DOP1B: variants seen among roughly 807,000 people sequenced by gnomAD.
DOP1B encodes DOP1 leucine zipper like protein B.
DOP1B carries 174 observed loss-of-function variants against 233.5 expected under a neutral mutation model. The ratio of observed to expected loss-of-function variants is 0.75; its 90% CI spans 0.66 to 0.85. The LOEUF is 0.85. Among genes scored for constraint, DOP1B ranks in the 40% least tolerant of loss-of-function variants. The probability of loss-of-function intolerance (pLI) is 0.00; values close to 1 mark genes in which losing one functional copy is unlikely to be tolerated. For missense variants in DOP1B, 2,652 were observed against 2,846.6 expected (o/e 0.93, Z 1.56); for synonymous variants, 1,190 against 1,185.6 (o/e 1.00, Z -0.08).
At chr21:36,259,200 C>T (rs1013874925) in intron 23 of DOP1B, among the ~76,000 whole-genome samples, 2 of 151,760 alleles carry the variant, frequency 1.3e-5, no homozygotes, top group East Asian at 1.9e-4. Context: ...CTCCTGACCA[C>T]GTGATCCACC....
At chr21:36,178,690 A>C (rs1445736786) in intron 2 of DOP1B, among the ~76,000 whole-genome samples, 1 of 152,224 alleles carries the variant, frequency 6.6e-6, no homozygotes, top group Non-Finnish European at 1.5e-5. Flanking sequence ...ATTTTTCAGA[A>C]AAAAAGCAAC....
At chr21:36,172,873 C>G (rs537483989) in intron 2 of DOP1B, among the ~76,000 whole-genome samples, 1 of 152,188 alleles carries the variant, frequency 6.6e-6, no homozygotes, top group South Asian at 2.1e-4. Context: ...AATCCCAGCA[C>G]TTTGGGAGGC....
intron 13 of DOP1B, among the ~76,000 whole-genome samples, chr21:36,229,960 G>A (rs145075644): frequency 6.6e-6 from 1 of 151,992 alleles, no homozygotes; most frequent in Non-Finnish European, 1.5e-5. Context: ...ACCACACCTG[G>A]CCTTATTTTA....
intron 32 of DOP1B, among the ~76,000 whole-genome samples, chr21:36,283,936 C>CT (rs547999186): frequency 0.065 from 6,523 of 100,826 alleles, 160 homozygotes; most frequent in East Asian, 0.24. Flanking sequence ...ACACCTGTTC[C>CT]TTTTTTTTTT....
At chr21:36,231,525 A>C (rs973989552) in intron 14 of DOP1B, among the ~76,000 whole-genome samples, 10 of 152,182 alleles carry the variant, frequency 6.6e-5, no homozygotes, top group Admixed American at 1.3e-4. Context: ...GTCTCACCAC[A>C]TGGCAAAGTG....
intron 10 of DOP1B, among the ~76,000 whole-genome samples, chr21:36,221,497 A>T (rs559565874): frequency 1.6e-3 from 239 of 152,224 alleles, no homozygotes; most frequent in African/African-American, 5.6e-3. Context: ...TTCATCTCAA[A>T]AAATAAATAA....
intron 10 of DOP1B, among the ~76,000 whole-genome samples, chr21:36,220,557 G>A (rs2066612460): frequency 6.6e-6 from 1 of 152,126 alleles, no homozygotes; most frequent in African/African-American, 2.4e-5. Flanking sequence ...CTGGAGTGCA[G>A]TGGCGTGAAC....
chr21:36,225,045 C>T (rs1416860059), intron 11 of DOP1B, among the ~76,000 whole-genome samples: 2 of 151,998 alleles, frequency 1.3e-5, no homozygotes, highest in Non-Finnish European at 1.5e-5. Context: ...GAGTTCAAGT[C>T]AGAGGGAATC....
chr21:36,245,875 C>A lies in DOP1B; in HGVS notation c.3895C>A (p.Gln1299Lys). 6.2e-7 allele frequency: 1 copy of A among 1,613,834 alleles called. No individual in the cohort carries two copies. Among genetic ancestry groups the A allele is most frequent in the African/African-American group, 1.3e-5 (1 of 75,028 alleles). ...TGGCCAGAGTTTCTACGGAAAGCTC[C>A]AGACCCAGGTCCCCAACGTGTGCCC... ...LIGQSFYGKLQTQVPNVCPHS... is the reference protein window; with the variant it reads ...LIGQSFYGKLKTQVPNVCPHS... Residue 1299 changes from glutamine to lysine, a missense_variant, in exon 19 of 37, where the codon CAG (glutamine) becomes AAG (lysine). By Grantham distance (53) the Gln-to-Lys change is moderately conservative (BLOSUM62 1). Coordinates refer to ENST00000691173, the MANE Select transcript of DOP1B (RefSeq NM_001320714.2). The surrounding 1 kb of genome is among the most constrained non-coding windows in gnomAD (Gnocchi z 5.5).
intron 23 of DOP1B, among the ~76,000 whole-genome samples, chr21:36,254,426 G>A (rs1218492051): frequency 6.6e-6 from 1 of 152,106 alleles, no homozygotes; most frequent in Non-Finnish European, 1.5e-5. Flanking sequence ...GGAAGTTTAA[G>A]GAGAGTTGGA....
At chr21:36,251,337 C>A (rs2067031097) in intron 22 of DOP1B, 53 bp downstream of exon 22, 1 of 1,571,916 alleles carries the variant, frequency 6.4e-7, no homozygotes, top group Non-Finnish European at 8.6e-7. Context: ...CAAAGAAATA[C>A]CACAGAATCA....
Position 36,289,042 on chromosome 21 carries a change from T to G in DOP1B, c.6354-3T>G. The stretch of plus-strand genomic sequence containing the variant: ...TAACAAGCGTTTCTTTGCAAATTTA[T>G]AGAAGCACCAACAAAGTAAACAGAA... On this transcript the variant is annotated splice_polypyrimidine_tract_variant and splice_region_variant and intron_variant, in intron 34 of 36. Transcript: ENST00000691173. The G allele has an allele frequency of 6.2e-7, 1 of 1,610,596 alleles. No homozygotes were observed. Among genetic ancestry groups the G allele is most frequent in the Non-Finnish European group, 8.5e-7 (1 of 1,179,000 alleles).
intron 19 of DOP1B, 49 bp from the exon 20 acceptor site, chr21:36,247,468 C>A: frequency 7.3e-7 from 1 of 1,377,542 alleles, no homozygotes; most frequent in South Asian, 1.3e-5. Flanking sequence ...ACCCTTATGG[C>A]CTCATTCTTT....
rs372560441 is a variant in DOP1B at position 36,227,804 on chromosome 21, C to T, written c.1592C>T (p.Thr531Met). 1.6e-5 allele frequency: 26 copies of T among 1,613,610 alleles called. No individual in the cohort carries two copies. Among genetic ancestry groups the T allele is most frequent in the Middle Eastern group, 1.7e-4 (1 of 6,056 alleles). ...SLPELTHALK[T>M]CFKVLSKVQM... ...CCTGAACTCACGCATGCCTTGAAGACGTGTTTCAAGGTGCTCAGCAAAGTC... is the reference window on the plus strand; with the variant it reads ...CCTGAACTCACGCATGCCTTGAAGATGTGTTTCAAGGTGCTCAGCAAAGTC... The change falls in exon 13 of 37, where the codon ACG (threonine) becomes ATG (methionine). Residue 531 changes from threonine (T) to methionine (M), a missense_variant. Around this residue, in one of 3 missense-constraint regions of DOP1B, gnomAD observed 2,617 missense variants for 2,794.3 expected, o/e 0.94. Coordinates refer to ENST00000691173, the MANE Select transcript of DOP1B (RefSeq NM_001320714.2).
intron 7 of DOP1B, among the ~76,000 whole-genome samples, chr21:36,212,739 T>C (rs1049310981): frequency 6.6e-6 from 1 of 152,220 alleles, no homozygotes; most frequent in African/African-American, 2.4e-5. Flanking sequence ...TACAAAACGA[T>C]TGTGACAGGA....
At chr21:36,203,155 G>C (rs58791590) in intron 4 of DOP1B, among the ~76,000 whole-genome samples, 2 of 152,234 alleles carry the variant, frequency 1.3e-5, no homozygotes, top group African/African-American at 2.4e-5. Flanking sequence ...TGAATATTGT[G>C]ATTTCTTGAC....
chr21:36,277,057 C>T lies in DOP1B; in HGVS notation c.5669C>T (p.Ala1890Val), dbSNP rs778986110. The part of the protein sequence containing the change: ...AAASAMVSSS[A>V]PSVYSVQALS... The stretch of plus-strand genomic sequence containing the variant: ...GCTTCAGCAATGGTGTCTTCATCCG[C>T]CCCGTCGGTGTACAGCGTGCAAGCC... The change falls in exon 28 of 37, where the codon GCC (alanine) becomes GTC (valine). Residue 1890 changes from alanine to valine, a missense_variant. By Grantham distance (64) the Ala-to-Val change is moderately conservative. This residue lies in a region of DOP1B where 2,617 missense variants were observed against 2,794.3 expected (regional missense o/e 0.94). Transcript: ENST00000691173. 6.2e-7 allele frequency: 1 copy of T among 1,614,114 alleles called. No individual in the cohort carries two copies. Among genetic ancestry groups the T allele is most frequent in the South Asian group, 1.1e-5 (1 of 91,084 alleles).
At chr21:36,243,511 A>T (rs7279990) in intron 18 of DOP1B, among the ~76,000 whole-genome samples, 2 of 152,140 alleles carry the variant, frequency 1.3e-5, no homozygotes, top group African/African-American at 4.8e-5. Flanking sequence ...TAATGAGGAC[A>T]TAAAAACCTA....
chr21:36,200,549 G>T, intron 4 of DOP1B, 48 bp downstream of exon 4: 1 of 1,536,096 alleles, frequency 6.5e-7, no homozygotes. Context: ...TGCTTTATAA[G>T]ACGCGGGGAG....
Sources: allele counts gnomAD v4.1 joint callset (sites outside exome capture counted in the v4.1 genomes callset), GRCh38; gene constraint gnomAD v4.1.1; regional missense constraint gnomAD v4.1.1; non-coding constraint Gnocchi (gnomAD v3.1); transcripts MANE v1.5; gene names NCBI Gene and HGNC (gene_info 2026-07-23, HGNC 2026-07-21).